The following CSMD1 variants were observed in gnomAD, a reference collection of about 807,000 sequenced individuals.
CSMD1 encodes the protein CUB and sushi domain-containing protein 1.
CSMD1 carries 213 observed loss-of-function variants against 417.5 expected under a neutral mutation model. That is an observed-to-expected ratio of 0.51 (90% CI 0.46 to 0.57). The LOEUF (loss-of-function observed/expected upper bound fraction) is 0.57, where lower values mean the gene tolerates loss of function less well. CSMD1 is among the 20% of genes least tolerant of loss of function. CSMD1 has a pLI of 0.00. For missense variants in CSMD1, 6,923 were observed against 4,529.7 expected (o/e 1.53, Z -15.17); for synonymous variants, 2,862 against 1,736.8 (o/e 1.65, Z -16.11).
At chr8:4,401,862 A>G (rs1469330528) in intron 3 of CSMD1, among the ~76,000 whole-genome samples, 1 of 151,672 alleles carries the variant, frequency 6.6e-6, no homozygotes, top group Admixed American at 6.6e-5. Context: ...TTTCCCCCCA[A>G]ATTCCCAGCT....
chr8:4,119,527 G>C (rs35442210), intron 3 of CSMD1, among the ~76,000 whole-genome samples: 24,051 of 152,124 alleles, frequency 0.16, 2,046 homozygotes, highest in South Asian at 0.3. Flanking sequence ...GGGGTGCTTG[G>C]GAAATAACCA....
chr8:4,893,103 C>G (rs1028256406), intron 1 of CSMD1, among the ~76,000 whole-genome samples: 2 of 152,098 alleles, frequency 1.3e-5, no homozygotes, highest in African/African-American at 4.8e-5. Flanking sequence ...GATATTATCT[C>G]TCTTTCTAGT....
intron 26 of CSMD1, among the ~76,000 whole-genome samples, chr8:3,272,493 T>G (rs1372054733): frequency 1.3e-5 from 2 of 148,350 alleles, no homozygotes; most frequent in African/African-American, 5.0e-5. Flanking sequence ...TTGAAGGGGA[T>G]GGCATTGAAT....
chr8:3,895,052 G>T (rs1807263226), intron 5 of CSMD1, among the ~76,000 whole-genome samples: 1 of 152,116 alleles, frequency 6.6e-6, no homozygotes, highest in Non-Finnish European at 1.5e-5. Flanking sequence ...GAATGGTATA[G>T]GTGGAGTACA....
In CSMD1 at chr8:3,183,690, T is replaced by C. The variant is rs563257747; in HGVS notation, c.5621-2476A>G. Among the ~76,000 whole-genome samples the C allele has an allele frequency of 3.7e-4, 56 of 152,158 alleles. 1 individual carries two copies. The highest frequency in any genetic ancestry group is 6.6e-4 in the Non-Finnish European group (45 of 68,040). On this transcript the variant is annotated intron_variant, in intron 36 of 69. Coordinates refer to ENST00000635120, the MANE Select transcript of CSMD1 (RefSeq NM_033225.6). ...ATCTATCCATCCCTGAAACATCGAGTAGGTCTCTACTGTTTCTTAATACCA... is the reference window on the plus strand; with the variant it reads ...ATCTATCCATCCCTGAAACATCGAGCAGGTCTCTACTGTTTCTTAATACCA...
At chr8:3,515,498 C>A (rs972864696) in intron 10 of CSMD1, 2 of 128,350 alleles carry the variant, frequency 1.6e-5, no homozygotes, top group Non-Finnish European at 3.1e-5. Context: ...ACAAGTACCA[C>A]TGGAAAAATA....
intron 3 of CSMD1, among the ~76,000 whole-genome samples, chr8:4,071,401 A>AC (rs928473329): frequency 1.3e-5 from 2 of 151,150 alleles, no homozygotes; most frequent in African/African-American, 4.9e-5. Context: ...ACCTACTTTA[A>AC]AAAAAATTGT....
At chr8:3,552,701 G>C (rs1016267521) in intron 10 of CSMD1, among the ~76,000 whole-genome samples, 7 of 152,150 alleles carry the variant, frequency 4.6e-5, no homozygotes, top group Admixed American at 4.6e-4. Context: ...TGGGTCTGAA[G>C]TTTTAGACTA....
chr8:3,525,939 T>C (rs1797734822), intron 10 of CSMD1, among the ~76,000 whole-genome samples: 1 of 152,172 alleles, frequency 6.6e-6, no homozygotes, highest in Non-Finnish European at 1.5e-5. Flanking sequence ...ACATGCATTG[T>C]TCTTAAGCCT....
chr8:4,564,850 T>A (rs968993156), intron 2 of CSMD1, among the ~76,000 whole-genome samples: 1 of 152,252 alleles, frequency 6.6e-6, no homozygotes, highest in African/African-American at 2.4e-5. Context: ...GCATTTACTT[T>A]GCTGCTTACT....
intron 3 of CSMD1, among the ~76,000 whole-genome samples, chr8:4,193,697 C>T (rs941360877): frequency 9.2e-5 from 14 of 152,070 alleles, no homozygotes; most frequent in African/African-American, 1.9e-4. Context: ...AGATAAAAAT[C>T]GGCATTTCAA....
chr8:3,253,311 C>T (rs574984858), intron 26 of CSMD1, among the ~76,000 whole-genome samples: 60 of 152,064 alleles, frequency 3.9e-4, no homozygotes, highest in East Asian at 3.5e-3. Context: ...AGGAGCAGGT[C>T]GTTCAGTTTC....
At chr8:3,170,368 T>C (rs1337674871) in intron 37 of CSMD1, among the ~76,000 whole-genome samples, 3 of 152,042 alleles carry the variant, frequency 2.0e-5, no homozygotes, top group Non-Finnish European at 2.9e-5. Flanking sequence ...CCACCATACC[T>C]GGCTAATTGT....
intron 2 of CSMD1, among the ~76,000 whole-genome samples, chr8:4,629,377 T>C (rs1031365424): frequency 6.6e-6 from 1 of 152,184 alleles, no homozygotes; most frequent in African/African-American, 2.4e-5. Context: ...CATACTGCAT[T>C]GTTTTAACTT....
At chr8:3,534,996 G>T (rs1458625062) in intron 10 of CSMD1, among the ~76,000 whole-genome samples, 1 of 152,194 alleles carries the variant, frequency 6.6e-6, no homozygotes, top group African/African-American at 2.4e-5. Context: ...CGCCCAGGCT[G>T]GAGTGCAGTG....
At chr8:3,604,404 G>A (rs976397468) in intron 8 of CSMD1, among the ~76,000 whole-genome samples, 2 of 152,016 alleles carry the variant, frequency 1.3e-5, no homozygotes, top group African/African-American at 4.8e-5. Context: ...ATTTTCTCTG[G>A]TCAGTATATA....
intron 3 of CSMD1, among the ~76,000 whole-genome samples, chr8:4,350,997 A>T (rs1801061071): frequency 6.6e-6 from 1 of 152,174 alleles, no homozygotes; most frequent in Admixed American, 6.5e-5. Context: ...CTCTCTGCTT[A>T]ATCGAAATTA....
At chr8:4,412,688 A>G (rs952574503) in intron 3 of CSMD1, among the ~76,000 whole-genome samples, 5 of 152,230 alleles carry the variant, frequency 3.3e-5, no homozygotes, top group African/African-American at 1.2e-4. Context: ...AATGTATATT[A>G]AGTTCACGTA....
intron 52 of CSMD1, among the ~76,000 whole-genome samples, chr8:3,016,701 A>G (rs1808864308): frequency 6.6e-6 from 1 of 152,134 alleles, no homozygotes; most frequent in African/African-American, 2.4e-5. Flanking sequence ...TATATGCTGT[A>G]TCCAATATCT....
Sources: gnomAD v4.1 joint callset for allele counts (sites outside exome capture counted in the v4.1 genomes callset) on GRCh38, gnomAD v4.1.1 for gene constraint, MANE v1.5 for transcripts, NCBI Gene and HGNC (gene_info 2026-07-23, HGNC 2026-07-21) for gene names.